FBXO9: variants seen among roughly 807,000 people sequenced by gnomAD.
FBXO9 encodes F-box only protein 9.
In FBXO9, 43 loss-of-function variants were observed where a neutral mutation model predicts 63.7. The observed-to-expected ratio is 0.67, with a 90% CI of 0.53 to 0.87. The LOEUF is 0.87. FBXO9 is among the 40% of genes least tolerant of loss of function. FBXO9 has a pLI of 0.00. For synonymous variants in FBXO9, 156 were observed against 171.7 expected (o/e 0.91, Z 0.72); for missense variants, 442 against 533.2 (o/e 0.83, Z 1.68).
intron 7 of FBXO9, among the ~76,000 whole-genome samples, chr6:53,090,307 T>A (rs1161226675): frequency 2.0e-5 from 3 of 152,240 alleles, no homozygotes; most frequent in African/African-American, 7.2e-5. Context: ...AGGATTTTCT[T>A]CACATTCATG....
At chr6:53,077,277 A>G (rs369798827) in intron 4 of FBXO9, among the ~76,000 whole-genome samples, 1 of 151,962 alleles carries the variant, frequency 6.6e-6, no homozygotes, top group African/African-American at 2.4e-5. Context: ...GATCGAGACC[A>G]TCCCGGCTAA....
chr6:53,081,300 C>T (rs910350769), intron 6 of FBXO9, among the ~76,000 whole-genome samples: 1 of 152,150 alleles, frequency 6.6e-6, no homozygotes, highest in African/African-American at 2.4e-5. Flanking sequence ...GAAATGGAGA[C>T]GTGCCCTGTC....
chr6:53,073,649 A>G lies in FBXO9; in HGVS notation c.249+10A>G. The G allele has an allele frequency of 2.0e-6, 3 of 1,525,954 alleles. No homozygotes were observed. The highest frequency in any genetic ancestry group is 2.6e-6 in the Non-Finnish European group (3 of 1,141,764). 94.5% of individuals were successfully genotyped at this position (1,525,954 alleles called of 1,614,324 possible). A position where few individuals can be genotyped will look rare whatever the true frequency, so the allele number is the denominator to read the frequency against. ...GGCAAAAGAAGAAAAGTTAAGTATT[A>G]TAGATATTGTAACAAATTACATTTT... On this transcript the variant is annotated intron_variant, in intron 3 of 12. Coordinates refer to ENST00000323557, the MANE Select transcript of FBXO9 (RefSeq NM_033480.3).
intron 2 of FBXO9, among the ~76,000 whole-genome samples, chr6:53,073,193 T>C (rs1768977640): frequency 6.6e-6 from 1 of 152,202 alleles, no homozygotes; most frequent in Non-Finnish European, 1.5e-5. Flanking sequence ...CTGTAAGTGA[T>C]GGCTTATATT....
chr6:53,093,303 A>G (rs540324354), intron 9 of FBXO9, 163 bp from the exon 10 acceptor site: 35 of 492,620 alleles, frequency 7.1e-5, no homozygotes, highest in African/African-American at 6.5e-4. Flanking sequence ...CTGGACTAAC[A>G]GGTAGTCAGT....
At chr6:53,075,315 T>C (rs1769058119) in intron 3 of FBXO9, among the ~76,000 whole-genome samples, 1 of 151,042 alleles carries the variant, frequency 6.6e-6, no homozygotes, top group Admixed American at 6.6e-5. Context: ...TTTGTATTTT[T>C]ACAAATTTGT....
intron 3 of FBXO9, among the ~76,000 whole-genome samples, chr6:53,075,797 G>A (rs1769087257): frequency 8.5e-6 from 1 of 117,986 alleles, no homozygotes; most frequent in African/African-American, 3.2e-5. Flanking sequence ...AGGCTGGAGT[G>A]CTGTGGCACG....
chr6:53,083,010 T>C (rs1769363561), intron 7 of FBXO9, among the ~76,000 whole-genome samples: 1 of 152,222 alleles, frequency 6.6e-6, no homozygotes, highest in Admixed American at 6.5e-5. Context: ...TTAAAAGTTA[T>C]TCTATATTTT....
In FBXO9 at chr6:53,082,592, G is replaced by A; in HGVS notation, c.627G>A (p.Val209=). 1 of 1,613,632 alleles carries A rather than the reference G, an allele frequency of 6.2e-7. No individual in the cohort carries two copies. The highest frequency in any genetic ancestry group is 1.7e-4 in the Middle Eastern group (1 of 6,060). ...DLRSLEQLSL[V]CRGFYICARD... ...GATCATTGGAGCAGTTGTCGCTGGT[G>A]TGCAGAGGATTCTACATCTGTGCCA... is the stretch of plus-strand genomic sequence containing the variant. The change falls in exon 7 of 13, where the codon GTG becomes GTA. Residue 209 remains valine (V), a synonymous_variant. Coordinates refer to ENST00000323557, the MANE Select transcript of FBXO9 (RefSeq NM_033480.3).
chr6:53,096,206 A>G (rs912793007), intron 12 of FBXO9, among the ~76,000 whole-genome samples: 1 of 152,226 alleles, frequency 6.6e-6, no homozygotes, highest in Admixed American at 6.5e-5. Flanking sequence ...CCTGTACATC[A>G]TAATCAGTGA....
rs1211679202 is a variant in FBXO9, at chr6:53,096,476, A to G, written c.1205+812A>G. ...ACTGTGTCACATTTCCACTTTACCG[A>G]TAACTTTTCCCTGCTCATTTGGAAG... On this transcript the variant is annotated intron_variant, in intron 12 of 12. Transcript: ENST00000323557. 2.6e-5 allele frequency among the ~76,000 whole-genome samples: 4 copies of G among 152,342 alleles called. No homozygotes were observed. In the East Asian group the frequency reaches 7.7e-4, roughly 29 times the overall value.
At chr6:53,091,391 C>T (rs985173491) in intron 7 of FBXO9, 2 of 151,302 alleles carry the variant, frequency 1.3e-5, no homozygotes, top group African/African-American at 2.4e-5. Flanking sequence ...TTTTTTGAGA[C>T]GGAGTCTCGC....
chr6:53,089,728 C>A (rs1762994866), intron 7 of FBXO9, among the ~76,000 whole-genome samples: 1 of 152,122 alleles, frequency 6.6e-6, no homozygotes, highest in Non-Finnish European at 1.5e-5. Flanking sequence ...ATTAAGGTGA[C>A]CTTATCCAAA....
At position 53,089,236 on chromosome 6, in the gene FBXO9, G is replaced by A. The variant is rs775237113; in HGVS notation, c.654-3193G>A. Among the ~76,000 whole-genome samples the A allele has an allele frequency of 4.6e-5, 7 of 152,094 alleles. No homozygotes were observed. In the East Asian group the frequency reaches 1.4e-3, roughly 29 times the overall value. On this transcript the variant is annotated intron_variant, in intron 7 of 12. Transcript: ENST00000323557. The stretch of plus-strand genomic sequence containing the variant: ...ACTACAGGCGCCCGCCACCAGGCCC[G>A]GCTAATTTTTTGTATTTTTTAGTAG...
At position 53,065,739 on chromosome 6, in the gene FBXO9, T is replaced by C; in HGVS notation, c.-51T>C. 7.0e-7 allele frequency: 1 copy of C among 1,421,522 alleles called. No individual in the cohort carries two copies. The highest frequency in any genetic ancestry group is 9.2e-7 in the Non-Finnish European group (1 of 1,087,592). 88.1% of individuals were successfully genotyped at this position (1,421,522 alleles called of 1,614,324 possible). A position where few individuals can be genotyped will look rare whatever the true frequency, so the allele number is the denominator to read the frequency against. On this transcript the variant is annotated 5_prime_UTR_variant, in exon 1 of 13. Transcript: ENST00000323557. ...CCAGCACCCCTCCTCCGGGGGGCGG[T>C]GCAGAGGGGGCACGGAGAGCCCCTC...
At chr6:53,084,833 TA>T (rs1769430135) in intron 7 of FBXO9, among the ~76,000 whole-genome samples, 1 of 152,128 alleles carries the variant, frequency 6.6e-6, no homozygotes, top group Non-Finnish European at 1.5e-5. Flanking sequence ...ATTTCAGATT[TA>T]AAAATCTCTT....
intron 5 of FBXO9, among the ~76,000 whole-genome samples, chr6:53,079,132 A>G (rs768561654): frequency 2.6e-5 from 4 of 152,248 alleles, no homozygotes; most frequent in Non-Finnish European, 5.9e-5. Flanking sequence ...AGATACAAAA[A>G]AACGGTTTAA....
At chr6:53,071,764 T>C (rs1194818200) in intron 2 of FBXO9, among the ~76,000 whole-genome samples, 1 of 152,248 alleles carries the variant, frequency 6.6e-6, no homozygotes, top group Non-Finnish European at 1.5e-5. Flanking sequence ...ACTGGTGATA[T>C]GGATCAAAAT....
chr6:53,099,926 T>C lies in FBXO9; in HGVS notation c.*2096T>C, dbSNP rs1472999579. On this transcript the variant is annotated 3_prime_UTR_variant, in exon 13 of 13. Transcript: ENST00000323557. ...ATAGTCAAATATAGCTAGAAAAATA[T>C]ATTCCTAAGGAAAGTGAGATTTGAG... 1 of 152,220 alleles carries C rather than the reference T, an allele frequency of 6.6e-6. No homozygotes were observed. Among genetic ancestry groups the C allele is most frequent in the Non-Finnish European group, 1.5e-5 (1 of 68,032 alleles). The allele number at this position is 152,220 out of a possible 1,614,324, so 9.4% of individuals were successfully genotyped here. A position where few individuals can be genotyped will look rare whatever the true frequency, so the allele number is the denominator to read the frequency against.
Sources: allele counts gnomAD v4.1 joint callset (sites outside exome capture counted in the v4.1 genomes callset), GRCh38; gene constraint gnomAD v4.1.1; transcripts MANE v1.5; gene names NCBI Gene and HGNC (gene_info 2026-07-23, HGNC 2026-07-21).